Variants in VPS51 observed in about 807,000 individuals in gnomAD.
VPS51 encodes the protein VPS51 subunit of GARP complex, also known as vacuolar protein sorting-associated protein 51 homolog.
In VPS51, 55 loss-of-function variants were observed where a neutral mutation model predicts 65.1. The ratio of observed to expected loss-of-function variants is 0.84; its 90% CI spans 0.68 to 1.06. The LOEUF is 1.06. Among genes scored for constraint, VPS51 ranks in the 50% least tolerant of loss-of-function variants. VPS51 has a pLI of 0.00. For missense variants in VPS51, 943 were observed against 1,101.6 expected, an observed-to-expected ratio of 0.86 and a Z score of 2.04; for synonymous variants, 473 against 489.5, an observed-to-expected ratio of 0.97 and a Z score of 0.44.
rs555103426 is a variant in VPS51 at position 65,111,662 on chromosome 11, C to T, written c.*75C>T. ...GGATCTGGTCTCGGTGGTCCTTCCC[C>T]GCAGGCAGGTGTCAGGACCGGCCTA... On this transcript the variant is annotated 3_prime_UTR_variant, in exon 10 of 10. Coordinates refer to ENST00000279281, the MANE Select transcript of VPS51 (RefSeq NM_013265.4). The T allele has an allele frequency of 2.5e-5, 37 of 1,470,252 alleles. No individual in the cohort carries two copies. The African/African-American group carries it at 3.9e-4, about 16-fold the overall frequency. The allele number at this position is 1,470,252 out of a possible 1,614,324, so 91.1% of individuals were successfully genotyped here.
chr11:65,109,147 G>A (rs1037791296), intron 5 of VPS51, 133 bp from the exon 6 acceptor site: 15 of 1,125,276 alleles, frequency 1.3e-5, no homozygotes, highest in Admixed American at 8.1e-5. Context: ...AAGCTGCTCC[G>A]GGGTACTTAG....
Position 65,111,782 on chromosome 11 carries a change from C to T in VPS51, c.*195C>T. ...GGCTTCTGAGGCGCCCGCGTCGGGT[C>T]CGCCCCCGAGCGCCGATTGGCTGGT... On this transcript the variant is annotated 3_prime_UTR_variant, in exon 10 of 10. Coordinates refer to ENST00000279281, the MANE Select transcript of VPS51 (RefSeq NM_013265.4). 9.2e-7 allele frequency: 1 copy of T among 1,091,184 alleles called. No homozygotes were observed. The highest frequency in any genetic ancestry group is 1.7e-5 in the South Asian group (1 of 60,290). The allele number at this position is 1,091,184 out of a possible 1,614,324, so 67.6% of individuals were successfully genotyped here.
intron 2 of VPS51, among the ~76,000 whole-genome samples, chr11:65,103,954 A>AGT (rs1407996988): frequency 1.3e-5 from 2 of 150,182 alleles, no homozygotes; most frequent in Admixed American, 6.7e-5. Flanking sequence ...TTTGAGACAG[A>AGT]GTGTTGCTCT....
rs1346529849 is a variant in VPS51, at chr11:65,109,506, AG to A, written c.1659+12del. 1 of 1,603,952 alleles carries A rather than the reference AG, an allele frequency of 6.2e-7. No homozygotes were observed. The highest frequency in any genetic ancestry group is 1.3e-5 in the African/African-American group (1 of 74,924). ...CAGTTTCTGGTGCAGGTGAAGCACTAGCTCCTAGCCGGGCAGGGAATGGTGT... is the reference window on the plus strand; with the variant it reads ...CAGTTTCTGGTGCAGGTGAAGCACTACTCCTAGCCGGGCAGGGAATGGTGT... On this transcript the variant is annotated intron_variant, in intron 6 of 9. Transcript: ENST00000279281.
In VPS51 at chr11:65,108,213, G is replaced by A. The variant is rs769644606; in HGVS notation, c.742G>A (p.Ala248Thr). Residue 248 changes from alanine to threonine, a missense_variant, in exon 5 of 10, where the codon GCC becomes ACC. Around this residue, in one of 2 missense-constraint regions of VPS51, gnomAD observed 855 missense variants for 953.7 expected, o/e 0.90. Coordinates refer to ENST00000279281, the MANE Select transcript of VPS51 (RefSeq NM_013265.4). ...RQRFREGGSGAPEQAECVELL... is the reference protein window; with the variant it reads ...RQRFREGGSGTPEQAECVELL... ...CTCGTGCAGGGAGGGCGGCTCAGGC[G>A]CCCCGGAGCAGGCAGAGTGCGTGGA... is the stretch of plus-strand genomic sequence containing the variant. The A allele has an allele frequency of 3.1e-6, 5 of 1,599,376 alleles. No homozygotes were observed. In the African/African-American group the frequency reaches 6.7e-5, roughly 21 times the overall value.
In VPS51 at chr11:65,107,476, T is replaced by A; in HGVS notation, c.359-105T>A. The A allele has an allele frequency of 9.4e-6, 13 of 1,378,014 alleles. No homozygotes were observed. The highest frequency in any genetic ancestry group is 5.0e-5 in the East Asian group (2 of 40,136). 85.4% of individuals were successfully genotyped at this position (1,378,014 alleles called of 1,614,324 possible). ...TTCTCTGGAATCATCCATGCGCCCC[T>A]GGAGCAAGCTGGGGCGTCTGTGAAG... is the stretch of plus-strand genomic sequence containing the variant. On this transcript the variant is annotated intron_variant, in intron 2 of 9. Coordinates refer to ENST00000279281, the MANE Select transcript of VPS51 (RefSeq NM_013265.4). This position sits in a 1 kb window ranked among gnomAD's most constrained non-coding sequence, Gnocchi z 4.0.
In VPS51 at chr11:65,107,362, A is replaced by T; in HGVS notation, c.359-219A>T. ...TCCTGGGCACCAGGGTTAGGGGGTT[A>T]CGGGGAGTATGTGAGTAACGCCTGC... On this transcript the variant is annotated intron_variant, in intron 2 of 9. Transcript: ENST00000279281. The surrounding 1 kb of genome is among the most constrained non-coding windows in gnomAD (Gnocchi z 4.0). 1.6e-6 allele frequency: 1 copy of T among 638,380 alleles called. No homozygotes were observed. The highest frequency in any genetic ancestry group is 2.8e-6 in the Non-Finnish European group (1 of 357,590). The allele number at this position is 638,380 out of a possible 1,614,324, so 39.5% of individuals were successfully genotyped here. A position where few individuals can be genotyped will look rare whatever the true frequency, so the allele number is the denominator to read the frequency against.
At chr11:65,108,074 C>G (rs1313178249) in intron 4 of VPS51, 52 bp downstream of exon 4, 1 of 1,491,456 alleles carries the variant, frequency 6.7e-7, no homozygotes, top group East Asian at 2.5e-5. Context: ...CGAGCCCCAT[C>G]TGTGCCCGGC....
chr11:65,110,746 CG>C lies in VPS51; in HGVS notation c.2054del (p.Arg685LeufsTer16). Reference protein sequence around the residue: ...LSNIQKLFSERIDVFSPVEFN... With the variant: ...LSNIQKLFSEXIDVFSPVEFN... Reference sequence around the variant, plus strand: ...CAATATCCAGAAGCTATTCTCTGAACGTATTGATGTGTTCAGCCCTGTGGAG... The same window carrying C: ...CAATATCCAGAAGCTATTCTCTGAACTATTGATGTGTTCAGCCCTGTGGAG... On this transcript the variant is annotated frameshift_variant, in exon 9 of 10. Transcript: ENST00000279281. LOFTEE classifies it high-confidence loss of function. 6.2e-7 allele frequency: 1 copy of C among 1,614,148 alleles called. No homozygotes were observed. Among genetic ancestry groups the C allele is most frequent in the South Asian group, 1.1e-5 (1 of 91,084 alleles).
chr11:65,106,183 C>G (rs936326359), intron 2 of VPS51, among the ~76,000 whole-genome samples: 3 of 152,200 alleles, frequency 2.0e-5, no homozygotes, highest in African/African-American at 7.2e-5. Flanking sequence ...ATGATAGTGG[C>G]TTACAAAGAA....
intron 2 of VPS51, among the ~76,000 whole-genome samples, chr11:65,099,997 G>A (rs975220951): frequency 2.6e-5 from 4 of 152,070 alleles, no homozygotes; most frequent in African/African-American, 9.7e-5. Context: ...CAGCTACTCA[G>A]GAGGCTGAGG....
chr11:65,099,098 G>A (rs1319012445), intron 2 of VPS51, among the ~76,000 whole-genome samples: 1 of 152,202 alleles, frequency 6.6e-6, no homozygotes, highest in Non-Finnish European at 1.5e-5. Flanking sequence ...TGAGGCAGGA[G>A]AATTGCTTGA....
At chr11:65,097,179 A>T in intron 2 of VPS51, 52 bp downstream of exon 2, 1 of 1,609,200 alleles carries the variant, frequency 6.2e-7, no homozygotes, top group Non-Finnish European at 8.5e-7. Flanking sequence ...CCATTCTCCC[A>T]CCTGTGTTGG....
At chr11:65,104,707 T>G (rs1000562482) in intron 2 of VPS51, among the ~76,000 whole-genome samples, 1 of 152,202 alleles carries the variant, frequency 6.6e-6, no homozygotes, top group Non-Finnish European at 1.5e-5. Context: ...AATGTGTATA[T>G]GTGAGGTATT....
chr11:65,108,693 G>A lies in VPS51; in HGVS notation c.1222G>A (p.Gly408Ser), dbSNP rs922059202. The change falls in exon 5 of 10, where the codon GGC becomes AGC. Residue 408 changes from glycine to serine, a missense_variant. By Grantham distance (56) the Gly-to-Ser change is moderately conservative. Around this residue, in one of 2 missense-constraint regions of VPS51, gnomAD observed 855 missense variants for 953.7 expected, o/e 0.90. Coordinates refer to ENST00000279281, the MANE Select transcript of VPS51 (RefSeq NM_013265.4). ...IVERVARERL[G>S]HHLQGLRAAF... is the part of the protein sequence containing the mutation. Reference sequence around the variant, plus strand: ...GGAACGAGTGGCCCGCGAGCGCCTGGGCCACCACCTGCAGGGTCTCCGGGC... The same window carrying A: ...GGAACGAGTGGCCCGCGAGCGCCTGAGCCACCACCTGCAGGGTCTCCGGGC... 3.8e-6 allele frequency: 6 copies of A among 1,598,550 alleles called. No individual in the cohort carries two copies. The highest frequency in any genetic ancestry group is 4.3e-6 in the Non-Finnish European group (5 of 1,175,774).
chr11:65,104,822 G>A (rs1490236205), intron 2 of VPS51, among the ~76,000 whole-genome samples: 2 of 152,184 alleles, frequency 1.3e-5, no homozygotes, highest in East Asian at 1.9e-4. Flanking sequence ...ATTGGAAGGC[G>A]CTGTCCTTCA....
chr11:65,110,886 G>T, intron 9 of VPS51, 105 bp downstream of exon 9: 2 of 1,399,346 alleles, frequency 1.4e-6, no homozygotes, highest in Non-Finnish European at 1.0e-6. Flanking sequence ...ACCAACTGGG[G>T]GTGACCCTGA....
In VPS51 at chr11:65,110,601, C is replaced by T; in HGVS notation, c.1998C>T (p.Pro666=). ...QQGRYAPSYT[P]SAPMDTNLLS... ...GCCGCTACGCCCCCAGCTATACCCC[C>T]AGGTCTGGCTGGTCAGGGGAGCCCC... The change falls in exon 8 of 10, where the codon CCC becomes CCT. Residue 666 remains proline, a splice_region_variant and synonymous_variant. Transcript: ENST00000279281. 1 of 1,614,082 alleles carries T rather than the reference C, an allele frequency of 6.2e-7. No individual in the cohort carries two copies. Among genetic ancestry groups the T allele is most frequent in the South Asian group, 1.1e-5 (1 of 91,088 alleles).
In VPS51 at chr11:65,110,489, T is replaced by G; in HGVS notation, c.1886T>G (p.Leu629Arg). The change falls in exon 8 of 10, where the codon CTC becomes CGC. Residue 629 changes from leucine (L) to arginine (R), a missense_variant. Coordinates refer to ENST00000279281, the MANE Select transcript of VPS51 (RefSeq NM_013265.4). The part of the protein sequence containing the change: ...DTTAIDVQVG[L>R]LYEEGVRKAQ... ...ACCTCTTTTTACCACCAGGTGGGGC[T>G]CCTGTACGAAGAGGGTGTTCGCAAG... 6.2e-7 allele frequency: 1 copy of G among 1,613,878 alleles called. No homozygotes were observed. The highest frequency in any genetic ancestry group is 1.1e-5 in the South Asian group (1 of 91,078).
Sources: allele counts gnomAD v4.1 joint callset (sites outside exome capture counted in the v4.1 genomes callset), GRCh38; gene constraint gnomAD v4.1.1; regional missense constraint gnomAD v4.1.1; non-coding constraint Gnocchi (gnomAD v3.1); transcripts MANE v1.5; gene names NCBI Gene and HGNC (gene_info 2026-07-23, HGNC 2026-07-21).